Variants in RANBP2 observed in about 807,000 individuals in gnomAD.
RANBP2 encodes E3 SUMO-protein ligase RanBP2.
RANBP2 carries 57 observed loss-of-function variants against 303.6 expected under a neutral mutation model. The observed-to-expected ratio is 0.19, with a 90% CI of 0.15 to 0.23. RANBP2 has a LOEUF of 0.23. RANBP2 is among the 10% of genes least tolerant of loss of function. The pLI, the probability that RANBP2 is intolerant of heterozygous loss-of-function variation, is 1.00. For missense variants in RANBP2, 3,138 were observed against 3,780.8 expected, an observed-to-expected ratio of 0.83 and a Z score of 4.46; for synonymous variants, 1,167 against 1,301.5, an observed-to-expected ratio of 0.90 and a Z score of 2.23.
the RANBP2 span, among the ~76,000 whole-genome samples, chr2:109,373,948 C>A: frequency 6.8e-6 from 1 of 146,478 alleles, no homozygotes; most frequent in Admixed American, 6.7e-5. Context: ...GTCCAGCAGG[C>A]TCTCTGTCAT....
the RANBP2 span, among the ~76,000 whole-genome samples, chr2:109,455,493 C>G: frequency 6.6e-6 from 1 of 151,464 alleles, no homozygotes; most frequent in Admixed American, 6.6e-5. Flanking sequence ...TGCACCCACC[C>G]ATTAAATATA....
the RANBP2 span, among the ~76,000 whole-genome samples, chr2:109,165,915 G>C: frequency 6.6e-6 from 1 of 152,292 alleles, no homozygotes; most frequent in African/African-American, 2.4e-5. Flanking sequence ...TTGTGACATG[G>C]GTGGTCACTA....
In RANBP2 at chr2:108,763,767, G is replaced by A. The variant is rs1230105319; in HGVS notation, c.3228G>A (p.Leu1076=). 6.2e-7 allele frequency: 1 copy of A among 1,614,084 alleles called. No individual in the cohort carries two copies. The highest frequency in any genetic ancestry group is 1.7e-5 in the Admixed American group (1 of 60,010). The change falls in exon 20 of 29, where the codon TTG becomes TTA. Residue 1076 remains leucine, a synonymous_variant. Transcript: ENST00000283195. ...LLGLLTSDKP[L]QGDGYSGAKP... ...GTCTCCTGACTTCAGATAAACCCTT[G>A]CAAGGAGATGGCTATAGTGGAGCCA...
the RANBP2 span, among the ~76,000 whole-genome samples, chr2:109,654,149 G>T: frequency 6.6e-6 from 1 of 152,092 alleles, no homozygotes; most frequent in South Asian, 2.1e-4. Flanking sequence ...GGAGTTCAAG[G>T]TTCTCAGATT....
the RANBP2 span, among the ~76,000 whole-genome samples, chr2:109,172,552 G>A: frequency 6.6e-6 from 1 of 152,172 alleles, no homozygotes; most frequent in Admixed American, 6.5e-5. Context: ...CCTAGCTCTT[G>A]TTATTCCAAA....
chr2:108,736,467 T>C (rs530544247), intron 6 of RANBP2, among the ~76,000 whole-genome samples: 7 of 152,206 alleles, frequency 4.6e-5, no homozygotes, highest in Non-Finnish European at 8.8e-5. Context: ...AGAACTCTTA[T>C]AGTTCAAGCT....
the RANBP2 span, among the ~76,000 whole-genome samples, chr2:109,022,853 C>A: frequency 2.0e-5 from 3 of 152,100 alleles, no homozygotes; most frequent in African/African-American, 7.2e-5. Context: ...GAGTTTGAGA[C>A]CAGCCTGACC....
chr2:108,882,606 G>C, the RANBP2 span: 1 of 152,230 alleles, frequency 6.6e-6, no homozygotes, highest in Admixed American at 6.6e-5. Flanking sequence ...GTTATTGCAG[G>C]TTAAGCCCCC....
the RANBP2 span, among the ~76,000 whole-genome samples, chr2:109,669,950 G>A: frequency 3.4e-5 from 5 of 147,702 alleles, no homozygotes; most frequent in East Asian, 1.0e-3. Context: ...ACCACGGGCA[G>A]TGCAGCCTCT....
At chr2:108,978,277 G>C in the RANBP2 span, among the ~76,000 whole-genome samples, 1 of 152,096 alleles carries the variant, frequency 6.6e-6, no homozygotes, top group Non-Finnish European at 1.5e-5. Context: ...TGTTTCAAGG[G>C]GTTAAATACA....
At chr2:108,942,304 C>T in the RANBP2 span, among the ~76,000 whole-genome samples, 11 of 152,288 alleles carry the variant, frequency 7.2e-5, no homozygotes, top group African/African-American at 2.2e-4. Context: ...GGCACAATGC[C>T]GGATCTACTC....
the RANBP2 span, among the ~76,000 whole-genome samples, chr2:109,359,493 A>T: frequency 6.6e-6 from 1 of 152,342 alleles, no homozygotes; most frequent in East Asian, 1.9e-4. Context: ...ATATTTTGTT[A>T]CACTTATACT....
the RANBP2 span, chr2:109,564,532 C>G: frequency 1.3e-6 from 2 of 1,497,890 alleles, no homozygotes; most frequent in South Asian, 1.4e-5. Flanking sequence ...TTTTCATTTT[C>G]CACTAGCCAA....
the RANBP2 span, among the ~76,000 whole-genome samples, chr2:109,252,886 C>T: frequency 6.6e-6 from 1 of 152,230 alleles, no homozygotes; most frequent in African/African-American, 2.4e-5. Flanking sequence ...TGTATTGTAC[C>T]ATCATAAAGT....
At chr2:108,735,982 A>G in intron 5 of RANBP2, 122 bp from the exon 6 acceptor site, 1 of 1,598,562 alleles carries the variant, frequency 6.3e-7, no homozygotes, top group South Asian at 1.1e-5. Flanking sequence ...TAAGGTCGAT[A>G]TAAAAATCAA....
the RANBP2 span, among the ~76,000 whole-genome samples, chr2:109,698,478 T>C: frequency 6.8e-6 from 1 of 147,690 alleles, no homozygotes; most frequent in Admixed American, 6.8e-5. Flanking sequence ...AAAAAAAAAA[T>C]ACATAAATAA....
the RANBP2 span, among the ~76,000 whole-genome samples, chr2:109,218,166 A>T: frequency 7.4e-5 from 11 of 148,422 alleles, no homozygotes; most frequent in South Asian, 4.3e-4. Flanking sequence ...AAAAAAAAAA[A>T]TCCTGCCTGG....
At chr2:109,095,469 A>G in the RANBP2 span, among the ~76,000 whole-genome samples, 1 of 152,214 alleles carries the variant, frequency 6.6e-6, no homozygotes, top group Non-Finnish European at 1.5e-5. Flanking sequence ...GTCTTAACCT[A>G]AAAGAGTAGT....
the RANBP2 span, among the ~76,000 whole-genome samples, chr2:109,437,431 C>G: frequency 6.6e-6 from 1 of 152,098 alleles, no homozygotes; most frequent in Non-Finnish European, 1.5e-5. Context: ...TGTTACCCAT[C>G]CTGGCAGCTG....
Sources: allele counts gnomAD v4.1 joint callset (sites outside exome capture counted in the v4.1 genomes callset), GRCh38; gene constraint gnomAD v4.1.1; transcripts MANE v1.5; gene names NCBI Gene and HGNC (gene_info 2026-07-23, HGNC 2026-07-21).